The following SSBP3 variants were observed in gnomAD, a reference collection of about 807,000 sequenced individuals.
SSBP3 encodes single-stranded DNA-binding protein 3.
In SSBP3, 5 loss-of-function variants were observed where a neutral mutation model predicts 69.6. The observed-to-expected ratio is 0.07, with a 90% CI of 0.04 to 0.15. SSBP3 has a LOEUF of 0.15. Ranked by LOEUF, SSBP3 falls within the 10% of genes least tolerant of loss-of-function variation. SSBP3 has a pLI of 1.00. For synonymous variants in SSBP3, 196 were observed against 193.4 expected, an observed-to-expected ratio of 1.01 and a Z score of -0.11; for missense variants, 312 against 534.0, an observed-to-expected ratio of 0.58 and a Z score of 4.10.
intron 4 of SSBP3, among the ~76,000 whole-genome samples, chr1:54,350,686 G>A (rs573420585): frequency 6.6e-6 from 1 of 152,144 alleles, no homozygotes; most frequent in African/African-American, 2.4e-5. Context: ...TCTCAGCCTG[G>A]GAAGCTGAGC....
intron 5 of SSBP3, among the ~76,000 whole-genome samples, chr1:54,268,393 C>T (rs1481579062): frequency 6.6e-6 from 1 of 152,268 alleles, no homozygotes; most frequent in Non-Finnish European, 1.5e-5. Context: ...GGCACTGCCT[C>T]ATCCACCCAG....
rs145571391 is a variant in SSBP3, at chr1:54,377,981, G to A, written c.276+23880C>T. Among the ~76,000 whole-genome samples the A allele has an allele frequency of 3.8e-3, 582 of 151,956 alleles. 4 individuals are homozygous for A. The highest frequency in any genetic ancestry group is 0.013 in the African/African-American group (552 of 41,458). ...AAATACTTCCAGCAATAATGAAGCCGTGCCGATTCACCACAATTCTGCTCG... is the reference window on the plus strand; with the variant it reads ...AAATACTTCCAGCAATAATGAAGCCATGCCGATTCACCACAATTCTGCTCG... On this transcript the variant is annotated intron_variant, in intron 4 of 17. Transcript: ENST00000610401.
At chr1:54,369,974 T>C (rs1647101505) in intron 4 of SSBP3, among the ~76,000 whole-genome samples, 1 of 152,158 alleles carries the variant, frequency 6.6e-6, no homozygotes, top group African/African-American at 2.4e-5. Context: ...GAAATCAAAA[T>C]GTGGAGTAGA....
intron 4 of SSBP3, among the ~76,000 whole-genome samples, chr1:54,307,361 G>A (rs1053515189): frequency 5.3e-5 from 8 of 152,096 alleles, no homozygotes; most frequent in Admixed American, 5.2e-4. Context: ...CTGATCCAGG[G>A]AGAACCAACC....
chr1:54,372,471 C>CCT (rs1647151131), intron 4 of SSBP3, among the ~76,000 whole-genome samples: 1 of 152,152 alleles, frequency 6.6e-6, no homozygotes, highest in East Asian at 1.9e-4. Context: ...CAGCGACTCC[C>CCT]CTCTCTGGGC....
At position 54,359,208 on chromosome 1, in the gene SSBP3, C is replaced by CAAAAAAAAA. The variant is rs56901465; in HGVS notation, c.276+42644_276+42652dup. Reference sequence around the variant, plus strand: ...TGAGTTGCTATAATTACCCTCCCCTCAAAAAAAAAAAAAAAAAAAAAAGCT... The same window carrying CAAAAAAAAA: ...TGAGTTGCTATAATTACCCTCCCCTCAAAAAAAAAAAAAAAAAAAAAAAAAAAAAAAGCT... On this transcript the variant is annotated intron_variant, in intron 4 of 17. Coordinates refer to ENST00000610401, the Ensembl canonical transcript of SSBP3. Among the ~76,000 whole-genome samples, 4 of 75,444 alleles carry CAAAAAAAAA rather than the reference C, an allele frequency of 5.3e-5. 1 individual carries two copies. Among genetic ancestry groups the CAAAAAAAAA allele is most frequent in the Non-Finnish European group, 1.1e-4 (4 of 36,824 alleles). 49.5% of individuals were successfully genotyped at this position (75,444 alleles called of 152,430 possible). A position where few individuals can be genotyped will look rare whatever the true frequency, so the allele number is the denominator to read the frequency against.
rs758240959 is a variant in SSBP3, at chr1:54,404,902, G to C, written c.85C>G (p.Leu29Val). 1 of 1,612,892 alleles carries C rather than the reference G, an allele frequency of 6.2e-7. No individual in the cohort carries two copies. Among genetic ancestry groups the C allele is most frequent in the African/African-American group, 1.3e-5 (1 of 74,734 alleles). Reference sequence around the variant, plus strand: ...GCAGATTTCTGTGCTCCTACGTGCAGTAAATATTCGTAGACGTATAAAGCT... The same window carrying C: ...GCAGATTTCTGTGCTCCTACGTGCACTAAATATTCGTAGACGTATAAAGCT... The change falls in exon 2 of 18, where the codon CTG (leucine) becomes GTG (valine). Residue 29 changes from leucine to valine, a missense_variant. Physicochemically the swap from Leu to Val is conservative, Grantham distance 32. This residue lies in a region of SSBP3 where 31 missense variants were observed against 94.3 expected (regional missense o/e 0.33). Transcript: ENST00000610401.
In SSBP3 at chr1:54,337,668, G is replaced by C. The variant is rs990586956; in HGVS notation, c.277-56141C>G. 1.1e-3 allele frequency among the ~76,000 whole-genome samples: 168 copies of C among 151,626 alleles called. 1 individual carries two copies. Among genetic ancestry groups the C allele is most frequent in the African/African-American group, 3.8e-3 (159 of 41,394 alleles). On this transcript the variant is annotated intron_variant, in intron 4 of 17. Transcript: ENST00000610401. ...CCACCACCACACCCGACTAATTTTT[G>C]TATTTTTAGTAGAGACAGAGTTTCA... is the stretch of plus-strand genomic sequence containing the variant.
At chr1:54,359,035 G>C (rs1374906451) in intron 4 of SSBP3, among the ~76,000 whole-genome samples, 2 of 152,122 alleles carry the variant, frequency 1.3e-5, no homozygotes, top group African/African-American at 4.8e-5. Context: ...GTGGGGGTTG[G>C]AGGTCAGTTG....
chr1:54,228,175 C>G (rs895652154), intron 17 of SSBP3, 80 bp downstream of exon 17: 11 of 1,330,978 alleles, frequency 8.3e-6, no homozygotes, highest in Non-Finnish European at 1.1e-5. Flanking sequence ...GGCTGCAGCC[C>G]GGCTCCGTAG....
rs546080158 is a variant in SSBP3, at chr1:54,406,125, C to G, written c.-117G>C. 7 of 779,758 alleles carry G rather than the reference C, an allele frequency of 9.0e-6. No individual in the cohort carries two copies. The Admixed American group carries it at 2.2e-4, about 25-fold the overall frequency. The allele number at this position is 779,758 out of a possible 1,614,324, so 48.3% of individuals were successfully genotyped here. On this transcript the variant is annotated 5_prime_UTR_variant, in exon 1 of 18. Coordinates refer to ENST00000610401, the Ensembl canonical transcript of SSBP3. ...CCCCTCCCCGGCGCTCGCTCGCTCT[C>G]TCGCTCGCTGGCGCTCTCCTCGCCG...
chr1:54,338,884 A>G (rs1330685419), intron 4 of SSBP3, among the ~76,000 whole-genome samples: 1 of 152,216 alleles, frequency 6.6e-6, no homozygotes, highest in Non-Finnish European at 1.5e-5. Context: ...TAATTACCAT[A>G]ATTTTTCACA....
chr1:54,401,520 T>A (rs1267025912), intron 4 of SSBP3, among the ~76,000 whole-genome samples: 1 of 152,212 alleles, frequency 6.6e-6, no homozygotes, highest in Non-Finnish European at 1.5e-5. Context: ...CAATTTCTTC[T>A]TAAACCAACA....
At chr1:54,291,614 GGA>G (rs1416367551) in intron 4 of SSBP3, among the ~76,000 whole-genome samples, 1 of 152,242 alleles carries the variant, frequency 6.6e-6, no homozygotes, top group African/African-American at 2.4e-5. Flanking sequence ...TGGTACTGCT[GGA>G]GAGATGCAAG....
At chr1:54,351,398 T>C (rs1646778878) in intron 4 of SSBP3, among the ~76,000 whole-genome samples, 1 of 152,156 alleles carries the variant, frequency 6.6e-6, no homozygotes, top group Non-Finnish European at 1.5e-5. Context: ...TTAGATTATG[T>C]ATGAAACAGG....
At chr1:54,332,741 T>TAA (rs145243761) in intron 4 of SSBP3, among the ~76,000 whole-genome samples, 1 of 151,432 alleles carries the variant, frequency 6.6e-6, no homozygotes, top group East Asian at 1.9e-4. Flanking sequence ...GGGAGAAAGA[T>TAA]AAAAAAAACG....
chr1:54,277,946 A>G (rs144368757), intron 5 of SSBP3, among the ~76,000 whole-genome samples: 4 of 152,108 alleles, frequency 2.6e-5, no homozygotes, highest in Admixed American at 2.6e-4. Context: ...AAAAAATGCC[A>G]CTGCTTGATT....
At position 54,227,186 on chromosome 1, in the gene SSBP3, G is replaced by GGT. The variant is rs71066908; in HGVS notation, c.1138-27_1138-26insAC. 4.4e-6 allele frequency: 5 copies of GGT among 1,143,788 alleles called. 1 individual carries two copies. Among genetic ancestry groups the GGT allele is most frequent in the Non-Finnish European group, 6.4e-6 (5 of 777,104 alleles). 70.9% of individuals were successfully genotyped at this position (1,143,788 alleles called of 1,614,324 possible). ...CTGGAAAGGAGAAGCAGAGAAGGGGGGGGGGTGAGGATTGTGGGGAGGCCG... is the reference window on the plus strand; with the variant it reads ...CTGGAAAGGAGAAGCAGAGAAGGGGGGTGGGGGTGAGGATTGTGGGGAGGCCG... On this transcript the variant is annotated intron_variant, in intron 17 of 17. Transcript: ENST00000610401.
At chr1:54,303,853 T>A (rs1245070082) in intron 4 of SSBP3, among the ~76,000 whole-genome samples, 1 of 152,268 alleles carries the variant, frequency 6.6e-6, no homozygotes, top group African/African-American at 2.4e-5. Context: ...TATTTGGTCA[T>A]AATTAAAGTA....
Sources: allele counts gnomAD v4.1 joint callset (sites outside exome capture counted in the v4.1 genomes callset), GRCh38; gene constraint gnomAD v4.1.1; regional missense constraint gnomAD v4.1.1; transcripts MANE v1.5; gene names NCBI Gene and HGNC (gene_info 2026-07-23, HGNC 2026-07-21).